The following LYPLAL1 variants were observed in gnomAD, a reference collection of about 807,000 sequenced individuals.
LYPLAL1 encodes the protein lysophospholipase-like protein 1.
A neutral mutation model predicts 19.7 loss-of-function variants in LYPLAL1; 23 were observed. The ratio of observed to expected loss-of-function variants is 1.17; its 90% CI spans 0.84 to 1.65. The LOEUF (loss-of-function observed/expected upper bound fraction) is 1.65. LYPLAL1 is among the 40% of genes most tolerant of loss of function. The pLI, the probability that LYPLAL1 is intolerant of heterozygous loss-of-function variation, is 0.00. For synonymous variants in LYPLAL1, 119 were observed against 96.3 expected, an observed-to-expected ratio of 1.24 and a Z score of -1.38; for missense variants, 355 against 279.4, an observed-to-expected ratio of 1.27 and a Z score of -1.93.
chr1:219,375,537 A>T, the LYPLAL1 span, among the ~76,000 whole-genome samples: 8 of 150,950 alleles, frequency 5.3e-5, no homozygotes, highest in Non-Finnish European at 8.9e-5. Flanking sequence ...AAGAAGCTCA[A>T]GTAACAACAG....
the LYPLAL1 span, among the ~76,000 whole-genome samples, chr1:219,354,091 G>C: frequency 5.9e-5 from 9 of 152,110 alleles, no homozygotes; most frequent in Admixed American, 1.3e-4. Flanking sequence ...AGAGAGAAGA[G>C]ATGAATAGAG....
the LYPLAL1 span, among the ~76,000 whole-genome samples, chr1:219,221,545 T>G: frequency 6.6e-6 from 1 of 152,054 alleles, no homozygotes; most frequent in African/African-American, 2.4e-5. Context: ...GGGGGTCGGG[T>G]GCTCAGTTTC....
chr1:219,360,648 C>T, the LYPLAL1 span, among the ~76,000 whole-genome samples: 1 of 152,120 alleles, frequency 6.6e-6, no homozygotes. Flanking sequence ...CACATATGCA[C>T]ATGTGTGCTC....
the LYPLAL1 span, among the ~76,000 whole-genome samples, chr1:219,360,419 C>T: frequency 2.0e-5 from 3 of 152,106 alleles, no homozygotes; most frequent in Non-Finnish European, 4.4e-5. Flanking sequence ...TATTGAAATT[C>T]GTACTCGTAG....
At chr1:219,202,320 C>T (rs1658175983) in intron 3 of LYPLAL1, among the ~76,000 whole-genome samples, 1 of 152,162 alleles carries the variant, frequency 6.6e-6, no homozygotes, top group South Asian at 2.1e-4. Flanking sequence ...CCTATGGTCA[C>T]CTGGATAGCA....
At chr1:219,322,264 C>T in the LYPLAL1 span, among the ~76,000 whole-genome samples, 1 of 152,140 alleles carries the variant, frequency 6.6e-6, no homozygotes, top group Non-Finnish European at 1.5e-5. Context: ...AAAACGCAAC[C>T]TCTCAGCTCT....
chr1:219,391,431 C>CT, the LYPLAL1 span, among the ~76,000 whole-genome samples: 1 of 152,112 alleles, frequency 6.6e-6, no homozygotes, highest in Admixed American at 6.5e-5. Flanking sequence ...ATCTTCCTTG[C>CT]TTTTAGTTGT....
chr1:219,342,143 G>A, the LYPLAL1 span, among the ~76,000 whole-genome samples: 1 of 152,028 alleles, frequency 6.6e-6, no homozygotes, highest in Admixed American at 6.6e-5. Context: ...TATCAATAAT[G>A]AATCATTTCA....
At chr1:219,335,320 A>G in the LYPLAL1 span, among the ~76,000 whole-genome samples, 3 of 151,954 alleles carry the variant, frequency 2.0e-5, no homozygotes, top group Non-Finnish European at 2.9e-5. Context: ...TGAATTACTT[A>G]TTAAGTTAAC....
chr1:219,231,193 C>A, the LYPLAL1 span, among the ~76,000 whole-genome samples: 1 of 151,976 alleles, frequency 6.6e-6, no homozygotes, highest in African/African-American at 2.4e-5. Flanking sequence ...AGATGGAGGG[C>A]CGTGTGGGTG....
At chr1:219,262,780 T>C in the LYPLAL1 span, among the ~76,000 whole-genome samples, 33,465 of 152,140 alleles carry the variant, frequency 0.22, 4,161 homozygotes, top group Non-Finnish European at 0.29. Context: ...TTGGTTGTAG[T>C]TATGTTTAGC....
At chr1:219,234,085 T>C in the LYPLAL1 span, among the ~76,000 whole-genome samples, 1 of 152,302 alleles carries the variant, frequency 6.6e-6, no homozygotes, top group South Asian at 2.1e-4. Flanking sequence ...GCCAAGTTCA[T>C]TAAACATCCT....
the LYPLAL1 span, among the ~76,000 whole-genome samples, chr1:219,317,405 A>AT: frequency 1.3e-5 from 2 of 151,926 alleles, no homozygotes; most frequent in African/African-American, 4.8e-5. Flanking sequence ...TTTAACTTGG[A>AT]TTTTTTTTCT....
the LYPLAL1 span, among the ~76,000 whole-genome samples, chr1:219,294,561 A>G: frequency 6.6e-6 from 1 of 152,072 alleles, no homozygotes; most frequent in Non-Finnish European, 1.5e-5. Flanking sequence ...CCAAATATTC[A>G]TTTCCCCATT....
At chr1:219,238,869 A>G in the LYPLAL1 span, among the ~76,000 whole-genome samples, 1 of 152,212 alleles carries the variant, frequency 6.6e-6, no homozygotes, top group East Asian at 1.9e-4. Context: ...GTTTAGGTAA[A>G]TATGTTTTGG....
chr1:219,285,135 A>T, the LYPLAL1 span, among the ~76,000 whole-genome samples: 2 of 152,254 alleles, frequency 1.3e-5, no homozygotes, highest in Non-Finnish European at 2.9e-5. Context: ...AATATTTGTC[A>T]TGAGTAAGTC....
the LYPLAL1 span, among the ~76,000 whole-genome samples, chr1:219,355,311 A>G: frequency 2.4e-3 from 363 of 152,382 alleles, 3 homozygotes; most frequent in African/African-American, 8.4e-3. Flanking sequence ...ATACAAAGAT[A>G]TATTCACGGA....
the LYPLAL1 span, among the ~76,000 whole-genome samples, chr1:219,245,272 T>C: frequency 6.7e-6 from 1 of 150,034 alleles, no homozygotes; most frequent in African/African-American, 2.5e-5. Context: ...TCATTTACCA[T>C]ATCACATTAC....
the LYPLAL1 span, among the ~76,000 whole-genome samples, chr1:219,293,134 T>C: frequency 0.013 from 1,916 of 152,284 alleles, 18 homozygotes; most frequent in Non-Finnish European, 0.018. Context: ...ACATCTGGGA[T>C]GGGATAGCTT....
Sources: gnomAD v4.1 joint callset for allele counts (sites outside exome capture counted in the v4.1 genomes callset) on GRCh38, gnomAD v4.1.1 for gene constraint, MANE v1.5 for transcripts, NCBI Gene and HGNC (gene_info 2026-07-23, HGNC 2026-07-21) for gene names.